The following DNAH9 variants were observed in gnomAD, a reference collection of about 807,000 sequenced individuals.
The protein encoded by DNAH9 is DNAH9 variant protein.
In DNAH9, 345 loss-of-function variants were observed where a neutral mutation model predicts 471.6. The observed-to-expected ratio is 0.73, with a 90% CI of 0.67 to 0.80. DNAH9 has a LOEUF of 0.80. Among genes scored for constraint, DNAH9 ranks in the 30% least tolerant of loss-of-function variants. DNAH9 has a pLI of 0.00. For synonymous variants in DNAH9, 2,093 were observed against 2,123.6 expected, an observed-to-expected ratio of 0.99 and a Z score of 0.40; for missense variants, 5,407 against 5,609.2, an observed-to-expected ratio of 0.96 and a Z score of 1.15.
chr17:11,929,877 G>T lies in DNAH9; in HGVS notation c.11889G>T (p.Leu3963=). Residue 3963 remains leucine, a synonymous_variant, in exon 63 of 69, where the codon CTG becomes CTT. Transcript: ENST00000262442. The stretch of plus-strand genomic sequence containing the variant: ...TTCCTTCCCACTAGAACATTCACCT[G>T]GTGGCCAAGTGGCTCAGCACCCTGG... ...GHWVILQNIH[L]VAKWLSTLEK... is the part of the protein sequence containing the mutation. 6.2e-7 allele frequency: 1 copy of T among 1,613,398 alleles called. No homozygotes were observed. Among genetic ancestry groups the T allele is most frequent in the South Asian group, 1.1e-5 (1 of 90,872 alleles).
intron 59 of DNAH9, among the ~76,000 whole-genome samples, chr17:11,900,144 C>T (rs4792192): frequency 0.73 from 110,953 of 151,218 alleles, 44,004 homozygotes; most frequent in Non-Finnish European, 0.89. Flanking sequence ...TCCAAGTCCA[C>T]TGGCTCAAAA....
chr17:11,694,577 C>T (rs2074395043), intron 22 of DNAH9, 130 bp downstream of exon 22: 1 of 868,332 alleles, frequency 1.2e-6, no homozygotes, highest in Non-Finnish European at 1.7e-6. Flanking sequence ...CTGTGTTGCC[C>T]CCAGCATCAT....
Position 11,791,808 on chromosome 17 carries a change from G to A in DNAH9, c.8062-1695G>A, listed in dbSNP as rs9903863. Reference sequence around the variant, plus strand: ...TGTGAGGCACATGGGAGGGAATGCCGCTGGACAGGAGAGGTGTCTTGGGCG... The same window carrying A: ...TGTGAGGCACATGGGAGGGAATGCCACTGGACAGGAGAGGTGTCTTGGGCG... On this transcript the variant is annotated intron_variant, in intron 41 of 68. Coordinates refer to ENST00000262442, the MANE Select transcript of DNAH9 (RefSeq NM_001372.4). 2.8e-3 allele frequency among the ~76,000 whole-genome samples: 419 copies of A among 152,272 alleles called. 1 individual carries two copies. The highest frequency in any genetic ancestry group is 7.5e-3 in the African/African-American group (311 of 41,548).
At chr17:11,654,161 C>T (rs1351731596) in intron 14 of DNAH9, among the ~76,000 whole-genome samples, 1 of 71,314 alleles carries the variant, frequency 1.4e-5, no homozygotes, top group East Asian at 3.0e-4. Context: ...CGAGACCATC[C>T]TGGCTAACAC....
intron 67 of DNAH9, among the ~76,000 whole-genome samples, chr17:11,953,272 T>C (rs1271188456): frequency 6.6e-6 from 1 of 152,134 alleles, no homozygotes; most frequent in Non-Finnish European, 1.5e-5. Flanking sequence ...CGTTGGAGCA[T>C]GCTGTACCCA....
At chr17:11,635,357 T>TA (rs2073142941) in intron 8 of DNAH9, among the ~76,000 whole-genome samples, 3 of 105,754 alleles carry the variant, frequency 2.8e-5, no homozygotes, top group Admixed American at 8.8e-5. Flanking sequence ...TTTTTTTTTT[T>TA]TTTTAGTAGA....
intron 14 of DNAH9, among the ~76,000 whole-genome samples, chr17:11,661,512 A>G (rs1418734778): frequency 6.6e-6 from 1 of 151,950 alleles, no homozygotes; most frequent in Admixed American, 6.6e-5. Flanking sequence ...CTGCTCTTCC[A>G]TTGTCACCTG....
At chr17:11,794,036 A>ATTTTTTTTT (rs35741238) in intron 42 of DNAH9, among the ~76,000 whole-genome samples, 5 of 80,898 alleles carry the variant, frequency 6.2e-5, no homozygotes, top group African/African-American at 2.5e-4. Flanking sequence ...ATTTTGAGCA[A>ATTTTTTTTT]TTTTTTTTTT....
intron 51 of DNAH9, among the ~76,000 whole-genome samples, chr17:11,869,584 G>T (rs1197232095): frequency 1.3e-5 from 2 of 152,168 alleles, no homozygotes; most frequent in African/African-American, 2.4e-5. Context: ...GGCAAACCAT[G>T]ACATTCCTAT....
Position 11,690,422 on chromosome 17 carries a change from G to T in DNAH9, c.4600G>T (p.Ala1534Ser), listed in dbSNP as rs769156025. ...ATTCACTGGATCTGAAGATATTCGG[G>T]CACAGCTACCCCAGGTACCTGCTAA... ...SIFTGSEDIR[A>S]QLPQDSKRFE... is the part of the protein sequence containing the mutation. The change falls in exon 20 of 69, where the codon GCA (alanine) becomes TCA (serine). Residue 1534 changes from alanine to serine, a missense_variant. By Grantham distance (99) the Ala-to-Ser change is moderately conservative. This residue lies in a region of DNAH9 where 4,636 missense variants were observed against 4,900.3 expected (regional missense o/e 0.95). Coordinates refer to ENST00000262442, the MANE Select transcript of DNAH9 (RefSeq NM_001372.4). 1.1e-5 allele frequency: 18 copies of T among 1,613,452 alleles called. No individual in the cohort carries two copies. In the South Asian group the frequency reaches 2.0e-4, roughly 18 times the overall value.
intron 5 of DNAH9, among the ~76,000 whole-genome samples, chr17:11,618,175 C>T (rs1327642906): frequency 6.6e-6 from 1 of 152,232 alleles, no homozygotes; most frequent in African/African-American, 2.4e-5. Context: ...TGGTAAGAAC[C>T]TGGTACCCAT....
At chr17:11,768,008 C>T (rs1294679010) in intron 36 of DNAH9, among the ~76,000 whole-genome samples, 1 of 152,182 alleles carries the variant, frequency 6.6e-6, no homozygotes, top group Admixed American at 6.5e-5. Flanking sequence ...AGGCTCTTCT[C>T]ACTGCAGCGC....
Position 11,669,882 on chromosome 17 carries a change from G to T in DNAH9, c.3353+88G>T, listed in dbSNP as rs113154155. ...ACCTTTTTTATATTTTTTCCCCATG[G>T]GTATGTTGGTTAAATTAAAGATTAA... is the stretch of plus-strand genomic sequence containing the variant. On this transcript the variant is annotated intron_variant, in intron 17 of 68. Transcript: ENST00000262442. The T allele has an allele frequency of 2.2e-5, 25 of 1,139,118 alleles. 1 individual carries two copies. The highest frequency in any genetic ancestry group is 1.7e-4 in the African/African-American group (11 of 64,658). 70.6% of individuals were successfully genotyped at this position (1,139,118 alleles called of 1,614,324 possible). A position where few individuals can be genotyped will look rare whatever the true frequency, so the allele number is the denominator to read the frequency against.
intron 49 of DNAH9, among the ~76,000 whole-genome samples, chr17:11,839,244 C>T (rs1970947367): frequency 6.6e-6 from 1 of 152,290 alleles, no homozygotes; most frequent in South Asian, 2.1e-4. Flanking sequence ...GGGCTGGGCA[C>T]GGTGGCTCAC....
intron 19 of DNAH9, among the ~76,000 whole-genome samples, chr17:11,684,845 A>G (rs1297666303): frequency 2.0e-5 from 3 of 152,218 alleles, no homozygotes; most frequent in African/African-American, 4.8e-5. Flanking sequence ...ACCTTCTTGC[A>G]CAGTGTCTGC....
At chr17:11,634,261 C>G (rs1567679034) in intron 8 of DNAH9, among the ~76,000 whole-genome samples, 1 of 152,132 alleles carries the variant, frequency 6.6e-6, no homozygotes, top group Non-Finnish European at 1.5e-5. Flanking sequence ...TTTTGGTGAT[C>G]TCACCAACAA....
Position 11,952,226 on chromosome 17 carries a change from A to G in DNAH9, c.12844-9641A>G, listed in dbSNP as rs143716537. 8.0e-3 allele frequency among the ~76,000 whole-genome samples: 1,096 copies of G among 137,748 alleles called. 9 individuals carry two copies. The highest frequency in any genetic ancestry group is 0.011 in the Admixed American group (139 of 12,852). The allele number at this position is 137,748 out of a possible 152,430, so 90.4% of individuals were successfully genotyped here. A position where few individuals can be genotyped will look rare whatever the true frequency, so the allele number is the denominator to read the frequency against. ...ATGATCTTTGCTTACTGCAACCTCT[A>G]CCTTCTAGGTTCAAGCAATTCTTGT... On this transcript the variant is annotated intron_variant, in intron 67 of 68. Transcript: ENST00000262442.
intron 49 of DNAH9, among the ~76,000 whole-genome samples, chr17:11,836,199 A>G (rs561304179): frequency 6.6e-6 from 1 of 152,318 alleles, no homozygotes; most frequent in African/African-American, 2.4e-5. Context: ...CAATTAGAGT[A>G]AAGGGTTGAA....
intron 19 of DNAH9, among the ~76,000 whole-genome samples, chr17:11,683,468 G>C (rs539380065): frequency 3.7e-4 from 56 of 152,174 alleles, no homozygotes; most frequent in Middle Eastern, 6.8e-3. Context: ...CACCACGCCC[G>C]GCCCAACAGT....
Sources: allele counts gnomAD v4.1 joint callset (sites outside exome capture counted in the v4.1 genomes callset), GRCh38; gene constraint gnomAD v4.1.1; regional missense constraint gnomAD v4.1.1; transcripts MANE v1.5; gene names NCBI Gene and HGNC (gene_info 2026-07-23, HGNC 2026-07-21).